ZNF423: variants seen among roughly 807,000 people sequenced by gnomAD.
ZNF423 encodes Ebf-associated zinc finger protein.
In ZNF423, 12 loss-of-function variants were observed where a neutral mutation model predicts 95.8. The ratio of observed to expected loss-of-function variants is 0.13; its 90% CI spans 0.08 to 0.20. The LOEUF (loss-of-function observed/expected upper bound fraction) is 0.20, where lower values mean the gene tolerates loss of function less well. ZNF423 is among the 10% of genes least tolerant of loss of function. The pLI is 1.00. For synonymous variants in ZNF423, 749 were observed against 711.9 expected, an observed-to-expected ratio of 1.05 and a Z score of -0.83; for missense variants, 1,316 against 1,737.1, an observed-to-expected ratio of 0.76 and a Z score of 4.31.
chr16:49,500,803 A>T (rs1472624055), intron 7 of ZNF423, among the ~76,000 whole-genome samples: 2 of 151,496 alleles, frequency 1.3e-5, no homozygotes, highest in African/African-American at 4.8e-5. Context: ...AGCTACTCGG[A>T]TGGCTGAGGC....
rs150078202 is a variant in ZNF423, at chr16:49,689,278, CAAA to C, written c.301+41490_301+41492del. Reference sequence around the variant, plus strand: ...GCAACATGGCAAGACCCCATCTCTACAAAAAAAAAAAAAAAGATGGGTGAGGAG... The same window carrying C: ...GCAACATGGCAAGACCCCATCTCTACAAAAAAAAAAAAGATGGGTGAGGAG... On this transcript the variant is annotated intron_variant, in intron 3 of 7. Transcript: ENST00000563137. 3.5e-3 allele frequency among the ~76,000 whole-genome samples: 489 copies of C among 140,634 alleles called. 1 individual carries two copies. Among genetic ancestry groups the C allele is most frequent in the African/African-American group, 6.1e-3 (233 of 37,970 alleles). The allele number at this position is 140,634 out of a possible 152,430, so 92.3% of individuals were successfully genotyped here. A position where few individuals can be genotyped will look rare whatever the true frequency, so the allele number is the denominator to read the frequency against.
intron 7 of ZNF423, among the ~76,000 whole-genome samples, chr16:49,491,648 C>G (rs1257009987): frequency 6.7e-6 from 1 of 150,116 alleles, no homozygotes; most frequent in African/African-American, 2.5e-5. Flanking sequence ...TTAAAAACAT[C>G]CCTGTTCACC....
intron 3 of ZNF423, among the ~76,000 whole-genome samples, chr16:49,724,883 T>G (rs1483246699): frequency 6.6e-6 from 1 of 152,134 alleles, no homozygotes; most frequent in Non-Finnish European, 1.5e-5. Flanking sequence ...AGGAACACAT[T>G]TTTTGCTGTT....
At chr16:49,745,313 C>T (rs374949586) in intron 2 of ZNF423, among the ~76,000 whole-genome samples, 123 of 152,258 alleles carry the variant, frequency 8.1e-4, no homozygotes, top group African/African-American at 2.7e-3. Context: ...TACTAAAGTG[C>T]GAAATGTCTT....
In ZNF423 at chr16:49,707,345, G is replaced by A. The variant is rs74359242; in HGVS notation, c.301+23426C>T. On this transcript the variant is annotated intron_variant, in intron 3 of 7. Transcript: ENST00000563137. ...GAAAAGAGCATTTGTCAGGCATGGTGGCTCACGCCTGTAATCCTAGCACTT... is the reference window on the plus strand; with the variant it reads ...GAAAAGAGCATTTGTCAGGCATGGTAGCTCACGCCTGTAATCCTAGCACTT... 3.3e-3 allele frequency among the ~76,000 whole-genome samples: 499 copies of A among 152,310 alleles called. 1 individual carries two copies. The highest frequency in any genetic ancestry group is 0.011 in the African/African-American group (465 of 41,556).
chr16:49,544,470 G>A (rs1487818895), intron 5 of ZNF423, among the ~76,000 whole-genome samples: 1 of 152,268 alleles, frequency 6.6e-6, no homozygotes, highest in Non-Finnish European at 1.5e-5. Flanking sequence ...GAAGGGGTCA[G>A]CTCCTTAAGA....
chr16:49,644,086 A>T (rs1326437390), intron 3 of ZNF423, among the ~76,000 whole-genome samples: 3 of 152,210 alleles, frequency 2.0e-5, no homozygotes, highest in Non-Finnish European at 4.4e-5. Flanking sequence ...TGTCACAGAG[A>T]ATCAAGGTCA....
At chr16:49,727,831 A>G (rs911605135) in intron 3 of ZNF423, among the ~76,000 whole-genome samples, 4 of 152,224 alleles carry the variant, frequency 2.6e-5, no homozygotes, top group African/African-American at 9.6e-5. Flanking sequence ...GCCTGCGCCC[A>G]GCGCGGCCCT....
chr16:49,857,634 AT>A (rs976229932), upstream of ZNF423: 26 of 151,840 alleles, frequency 1.7e-4, no homozygotes, highest in African/African-American at 6.1e-4. This position sits in a 1 kb window ranked among gnomAD's most constrained non-coding sequence, Gnocchi z 6.2. Flanking sequence ...CATCCAACAA[AT>A]TCTTCCACCA....
At chr16:49,705,855 A>G (rs1020632237) in intron 3 of ZNF423, among the ~76,000 whole-genome samples, 2 of 152,204 alleles carry the variant, frequency 1.3e-5, no homozygotes, top group African/African-American at 4.8e-5. Context: ...GCCCCACAGT[A>G]AGTTTATATA....
intron 1 of ZNF423, among the ~76,000 whole-genome samples, chr16:49,795,504 C>A (rs2034483697): frequency 6.6e-6 from 1 of 152,234 alleles, no homozygotes; most frequent in South Asian, 2.1e-4. Flanking sequence ...GTTCTTCCTG[C>A]CCATGCAATG....
intron 1 of ZNF423, among the ~76,000 whole-genome samples, chr16:49,842,887 G>T (rs2035205223): frequency 6.6e-6 from 1 of 150,992 alleles, no homozygotes; most frequent in Admixed American, 6.6e-5. Context: ...GCTGAGGCAG[G>T]AGAATCACTT....
At chr16:49,654,790 G>T (rs182195625) in intron 3 of ZNF423, among the ~76,000 whole-genome samples, 7 of 152,180 alleles carry the variant, frequency 4.6e-5, no homozygotes, top group African/African-American at 7.2e-5. Context: ...AGGGAGAAAG[G>T]CTGTCTCTAA....
intron 1 of ZNF423, among the ~76,000 whole-genome samples, chr16:49,844,397 C>T (rs1159833452): frequency 6.6e-6 from 1 of 152,210 alleles, no homozygotes; most frequent in Non-Finnish European, 1.5e-5. Context: ...CCTCGATAAA[C>T]AGCAGCTGCA....
rs756829621 is a variant in ZNF423, at chr16:49,635,628, G to A, written c.3516+32C>T. On this transcript the variant is annotated intron_variant, in intron 4 of 7. Transcript: ENST00000563137. This position sits in a 1 kb window ranked among gnomAD's most constrained non-coding sequence, Gnocchi z 4.8. ...GACCAGAGGAGCCCCAAGGAGAGGA[G>A]CAGGGAGCAGGATGAGGTGGACTGC... The A allele has an allele frequency of 6.6e-7, 1 of 1,518,214 alleles. No homozygotes were observed. Among genetic ancestry groups the A allele is most frequent in the South Asian group, 1.3e-5 (1 of 75,464 alleles). The allele number at this position is 1,518,214 out of a possible 1,614,324, so 94.0% of individuals were successfully genotyped here. A position where few individuals can be genotyped will look rare whatever the true frequency, so the allele number is the denominator to read the frequency against.
At chr16:49,566,340 T>G (rs1032010235) in intron 5 of ZNF423, among the ~76,000 whole-genome samples, 2 of 152,130 alleles carry the variant, frequency 1.3e-5, no homozygotes, top group Non-Finnish European at 2.9e-5. Context: ...GCAGCACCCA[T>G]AAAAGTCTGG....
At chr16:49,540,520 A>G (rs1969212385) in intron 5 of ZNF423, among the ~76,000 whole-genome samples, 1 of 151,960 alleles carries the variant, frequency 6.6e-6, no homozygotes, top group South Asian at 2.1e-4. Flanking sequence ...GCCTCAAGCA[A>G]TCCTTTCACC....
chr16:49,597,248 G>T (rs944983106), intron 5 of ZNF423, among the ~76,000 whole-genome samples: 1 of 152,128 alleles, frequency 6.6e-6, no homozygotes, highest in Non-Finnish European at 1.5e-5. Context: ...CCTCCCAGTG[G>T]GAACCTGGGG....
intron 7 of ZNF423, among the ~76,000 whole-genome samples, chr16:49,519,567 A>G (rs1282847133): frequency 1.3e-5 from 2 of 152,048 alleles, no homozygotes; most frequent in African/African-American, 2.4e-5. Context: ...CTCATTTTTT[A>G]GTTGTTCTGT....
Sources: gnomAD v4.1 joint callset for allele counts (sites outside exome capture counted in the v4.1 genomes callset) on GRCh38, gnomAD v4.1.1 for gene constraint, Gnocchi (gnomAD v3.1) non-coding constraint, MANE v1.5 for transcripts, NCBI Gene and HGNC (gene_info 2026-07-23, HGNC 2026-07-21) for gene names.